Variants in NTRK2 observed in about 807,000 individuals in gnomAD.
NTRK2 encodes the protein neurotrophic receptor tyrosine kinase 2.
In NTRK2, 13 loss-of-function variants were observed where a neutral mutation model predicts 94.5. The ratio of observed to expected loss-of-function variants is 0.14; its 90% CI spans 0.09 to 0.22. The LOEUF is 0.22. Among genes scored for constraint, NTRK2 ranks in the 10% least tolerant of loss-of-function variants. The pLI is 1.00. For missense variants in NTRK2, 639 were observed against 1,071.2 expected (o/e 0.60, Z 5.63); for synonymous variants, 372 against 407.4 (o/e 0.91, Z 1.05).
chr9:84,778,177 C>T (rs910048632), intron 12 of NTRK2, among the ~76,000 whole-genome samples: 2 of 152,074 alleles, frequency 1.3e-5, no homozygotes, highest in African/African-American at 2.4e-5. Flanking sequence ...GTGAGAGAAT[C>T]GCTTGAGCCT....
intron 14 of NTRK2, among the ~76,000 whole-genome samples, chr9:84,869,184 T>A (rs2075730753): frequency 6.6e-6 from 1 of 152,218 alleles, no homozygotes; most frequent in Non-Finnish European, 1.5e-5. Context: ...ATCTGGAGTC[T>A]GTGGAGATTT....
intron 13 of NTRK2, 102 bp downstream of exon 13, chr9:84,861,189 A>T: frequency 1.1e-6 from 1 of 917,494 alleles, no homozygotes; most frequent in Non-Finnish European, 1.7e-6. Context: ...TCTTTGATTC[A>T]TTTTCTGTGT....
chr9:85,024,610 A>T lies in NTRK2; in HGVS notation c.*3173A>T, dbSNP rs952837626. 1.3e-5 allele frequency: 3 copies of T among 232,928 alleles called. No individual in the cohort carries two copies. The highest frequency in any genetic ancestry group is 2.5e-5 in the Non-Finnish European group (3 of 117,896). 14.4% of individuals were successfully genotyped at this position (232,928 alleles called of 1,614,324 possible). The stretch of plus-strand genomic sequence containing the variant: ...TGAACTTCGTGGTTCTGTCCACTAG[A>T]GACTCTAATATGCAAACAAGCAGTT... On this transcript the variant is annotated 3_prime_UTR_variant, in exon 19 of 19. Transcript: ENST00000277120.
chr9:84,993,013 C>A (rs1215592914), intron 17 of NTRK2, among the ~76,000 whole-genome samples: 1 of 151,782 alleles, frequency 6.6e-6, no homozygotes, highest in Non-Finnish European at 1.5e-5. Flanking sequence ...CATTTCCAGT[C>A]CTCATCTTAT....
chr9:84,939,659 A>C (rs2078336246), intron 15 of NTRK2, among the ~76,000 whole-genome samples: 1 of 152,206 alleles, frequency 6.6e-6, no homozygotes, highest in South Asian at 2.1e-4. Context: ...GCAAAATATT[A>C]TAATCAGCTT....
chr9:84,914,101 G>A (rs1399094694), intron 14 of NTRK2, among the ~76,000 whole-genome samples: 1 of 151,912 alleles, frequency 6.6e-6, no homozygotes, highest in Non-Finnish European at 1.5e-5. Flanking sequence ...GAGTTTTCAA[G>A]TTTGCTTATT....
At chr9:84,777,449 G>A (rs549162485) in intron 12 of NTRK2, among the ~76,000 whole-genome samples, 88 of 152,168 alleles carry the variant, frequency 5.8e-4, no homozygotes, top group Non-Finnish European at 1.1e-3. Context: ...TTTGCTCTGG[G>A]TGTCCACAAA....
chr9:84,679,580 C>T (rs151132046), intron 2 of NTRK2, among the ~76,000 whole-genome samples: 1 of 152,266 alleles, frequency 6.6e-6, no homozygotes, highest in African/African-American at 2.4e-5. Flanking sequence ...TTTGGTTGAG[C>T]CACTTGACCT....
intron 17 of NTRK2, among the ~76,000 whole-genome samples, chr9:84,989,113 C>G (rs1422863802): frequency 6.6e-6 from 1 of 152,168 alleles, no homozygotes; most frequent in Non-Finnish European, 1.5e-5. Flanking sequence ...CACCAAACCT[C>G]AAGAAAAGGC....
chr9:84,694,459 T>C (rs2060238701), intron 2 of NTRK2, among the ~76,000 whole-genome samples: 1 of 152,222 alleles, frequency 6.6e-6, no homozygotes, highest in Non-Finnish European at 1.5e-5. Flanking sequence ...GGCTTGCTCA[T>C]TTAGCGTTCT....
intron 14 of NTRK2, among the ~76,000 whole-genome samples, chr9:84,919,233 A>C (rs2077488801): frequency 6.6e-6 from 1 of 152,184 alleles, no homozygotes; most frequent in South Asian, 2.1e-4. Context: ...TGTGTCTATA[A>C]AGCCTTTCCG....
chr9:84,760,202 A>G (rs2132630775), intron 12 of NTRK2, among the ~76,000 whole-genome samples: 1 of 152,328 alleles, frequency 6.6e-6, no homozygotes, highest in East Asian at 1.9e-4. Context: ...CAAATTGTTA[A>G]ACTCTAAATC....
At chr9:84,832,510 G>A (rs191870564) in intron 12 of NTRK2, among the ~76,000 whole-genome samples, 28 of 152,288 alleles carry the variant, frequency 1.8e-4, no homozygotes, top group Non-Finnish European at 3.4e-4. Context: ...AAGCAGAGAC[G>A]GAGGTGAGGA....
At position 85,021,607 on chromosome 9, in the gene NTRK2, C is replaced by A; in HGVS notation, c.*170C>A. 1 of 696,522 alleles carries A rather than the reference C, an allele frequency of 1.4e-6. No homozygotes were observed. 43.1% of individuals were successfully genotyped at this position (696,522 alleles called of 1,614,324 possible). On this transcript the variant is annotated 3_prime_UTR_variant, in exon 19 of 19. Transcript: ENST00000277120. The stretch of plus-strand genomic sequence containing the variant: ...AGGGAAGCAGTGTGTACTTCTTCAT[C>A]CATAGACACAGTATTGACTTCTTTT...
intron 2 of NTRK2, among the ~76,000 whole-genome samples, chr9:84,698,608 A>C (rs565334879): frequency 6.6e-6 from 1 of 152,312 alleles, no homozygotes; most frequent in African/African-American, 2.4e-5. Flanking sequence ...ATTTTCCAAG[A>C]TACAGGCCAA....
chr9:84,769,818 G>C (rs7025861), intron 12 of NTRK2, among the ~76,000 whole-genome samples: 101,832 of 152,042 alleles, frequency 0.67, 34,630 homozygotes, highest in East Asian at 0.73. Context: ...ATTTTATACT[G>C]TCAGGAAGTA....
intron 14 of NTRK2, among the ~76,000 whole-genome samples, chr9:84,933,230 T>G (rs1321821667): frequency 6.6e-6 from 1 of 152,182 alleles, no homozygotes; most frequent in Non-Finnish European, 1.5e-5. Flanking sequence ...GCTAAGGGAC[T>G]CAACATTTAA....
intron 15 of NTRK2, among the ~76,000 whole-genome samples, chr9:84,944,794 T>G (rs998180783): frequency 8.5e-5 from 13 of 152,342 alleles, no homozygotes; most frequent in African/African-American, 3.1e-4. Context: ...GATTCTTACG[T>G]GAGCAAACTG....
chr9:84,866,382 G>T (rs2075596031), intron 13 of NTRK2, among the ~76,000 whole-genome samples: 1 of 152,086 alleles, frequency 6.6e-6, no homozygotes, highest in Admixed American at 6.5e-5. Context: ...ATATTATTTT[G>T]CATATAAGTC....
Sources: gnomAD v4.1 joint callset for allele counts (sites outside exome capture counted in the v4.1 genomes callset) on GRCh38, gnomAD v4.1.1 for gene constraint, MANE v1.5 for transcripts, NCBI Gene and HGNC (gene_info 2026-07-23, HGNC 2026-07-21) for gene names.